The following THSD1 variants were observed in gnomAD, a reference collection of about 807,000 sequenced individuals.
The protein encoded by THSD1 is thrombospondin type 1 domain containing 1, also known as thrombospondin type-1 domain-containing protein 1.
THSD1 carries 34 observed loss-of-function variants against 46.3 expected under a neutral mutation model. The observed-to-expected ratio is 0.74, with a 90% confidence interval of 0.56 to 0.98. THSD1 has a LOEUF of 0.98. Ranked by LOEUF, THSD1 falls within the 50% of genes least tolerant of loss-of-function variation. The pLI is 0.00. For missense variants in THSD1, 1,023 were observed against 1,058.3 expected (o/e 0.97, Z 0.46); for synonymous variants, 407 against 416.5 (o/e 0.98, Z 0.28).
At chr13:52,394,669 T>C (rs1957799293) in intron 3 of THSD1, among the ~76,000 whole-genome samples, 1 of 152,146 alleles carries the variant, frequency 6.6e-6, no homozygotes, top group Non-Finnish European at 1.5e-5. Flanking sequence ...CCTAATTGTT[T>C]TTCTCCTAAT....
chr13:52,386,231 A>G, intron 3 of THSD1, 45 bp from the exon 4 acceptor site: 1 of 1,594,538 alleles, frequency 6.3e-7, no homozygotes. Flanking sequence ...TCATTTGAGA[A>G]TCAGTATTTA....
Position 52,394,281 on chromosome 13 carries a change from G to C in THSD1, c.1021+2951C>G, listed in dbSNP as rs192503527. On this transcript the variant is annotated intron_variant, in intron 3 of 4. Transcript: ENST00000258613. ...CTTTGATTCATTTTTGCTAAGTTCA[G>C]TCAGTTTTTTTTCCCCATGAATATT... Among the ~76,000 whole-genome samples, 17 of 152,294 alleles carry C rather than the reference G, an allele frequency of 1.1e-4. No homozygotes were observed. In the East Asian group the frequency reaches 3.3e-3, roughly 29 times the overall value.
Position 52,381,637 on chromosome 13 carries a change from A to T in THSD1, c.1181-2848T>A, listed in dbSNP as rs9563101. Among the ~76,000 whole-genome samples the T allele has an allele frequency of 4.0e-3, 614 of 152,270 alleles. 16 individuals are homozygous for T. The highest frequency in any genetic ancestry group is 0.037 in the East Asian group (190 of 5,170). Reference sequence around the variant, plus strand: ...TAATCAGTGGGAGAACTGTCCTCCTATAAAAGGTGAGGCCACAAGCAAATG... The same window carrying T: ...TAATCAGTGGGAGAACTGTCCTCCTTTAAAAGGTGAGGCCACAAGCAAATG... On this transcript the variant is annotated intron_variant, in intron 4 of 4. Coordinates refer to ENST00000258613, the MANE Select transcript of THSD1 (RefSeq NM_018676.4).
chr13:52,390,987 T>C (rs1467099869), intron 3 of THSD1, among the ~76,000 whole-genome samples: 1 of 152,192 alleles, frequency 6.6e-6, no homozygotes, highest in African/African-American at 2.4e-5. Flanking sequence ...GGAACTCATA[T>C]TCCATTACTC....
At chr13:52,401,363 G>A (rs1957859179) in intron 2 of THSD1, among the ~76,000 whole-genome samples, 1 of 151,598 alleles carries the variant, frequency 6.6e-6, no homozygotes, top group Non-Finnish European at 1.5e-5. Context: ...GCAGTGGTGC[G>A]ATCTCGGCTC....
intron 4 of THSD1, chr13:52,384,184 CAAAAAA>C: frequency 5.0e-4 from 78 of 155,652 alleles, no homozygotes; most frequent in South Asian, 7.7e-4. Context: ...AACTCCGTCT[CAAAAAA>C]AAAAAAAAAA....
At chr13:52,383,262 T>C (rs1284794159) in intron 4 of THSD1, among the ~76,000 whole-genome samples, 3 of 152,214 alleles carry the variant, frequency 2.0e-5, no homozygotes, top group African/African-American at 4.8e-5. Flanking sequence ...GATTGATTCA[T>C]TCCTTCATTA....
intron 3 of THSD1, among the ~76,000 whole-genome samples, chr13:52,395,371 G>A (rs1049049541): frequency 6.6e-6 from 1 of 152,130 alleles, no homozygotes; most frequent in Non-Finnish European, 1.5e-5. Context: ...TTTATAGGAG[G>A]TAAAGAAGAG....
At position 52,377,372 on chromosome 13, in the gene THSD1, G is replaced by A. The variant is rs1303866123; in HGVS notation, c.*39C>T. On this transcript the variant is annotated 3_prime_UTR_variant, in exon 5 of 5. Transcript: ENST00000258613. Reference sequence around the variant, plus strand: ...CACAAAAGTCTACAAAACGCGAGTAGCAGACCCCAGCTGTGTAAAGCTCAG... The same window carrying A: ...CACAAAAGTCTACAAAACGCGAGTAACAGACCCCAGCTGTGTAAAGCTCAG... 1 of 1,501,940 alleles carries A rather than the reference G, an allele frequency of 6.7e-7. No homozygotes were observed. The highest frequency in any genetic ancestry group is 8.9e-7 in the Non-Finnish European group (1 of 1,121,968). The allele number at this position is 1,501,940 out of a possible 1,614,324, so 93.0% of individuals were successfully genotyped here.
chr13:52,401,551 G>A (rs932694370), intron 2 of THSD1, among the ~76,000 whole-genome samples: 3 of 151,974 alleles, frequency 2.0e-5, no homozygotes, highest in South Asian at 2.1e-4. Context: ...CGCCCACCCC[G>A]GCCTCCCAAA....
chr13:52,398,190 A>G lies in THSD1; in HGVS notation c.63T>C (p.Leu21=). 16 of 1,611,108 alleles carry G rather than the reference A, an allele frequency of 9.9e-6. No homozygotes were observed. The highest frequency in any genetic ancestry group is 1.4e-5 in the Non-Finnish European group (16 of 1,177,920). ...LLLVVLCDYV[L]GEAEYLLLRE... Reference sequence around the variant, plus strand: ...TCAAGAGAAGATATTCAGCTTCTCCAAGAACTGAAATGAAGTGGTCAGAAT... The same window carrying G: ...TCAAGAGAAGATATTCAGCTTCTCCGAGAACTGAAATGAAGTGGTCAGAAT... The change falls in exon 3 of 5, where the codon CTT becomes CTC. Residue 21 remains leucine, a synonymous_variant. Coordinates refer to ENST00000258613, the MANE Select transcript of THSD1 (RefSeq NM_018676.4).
rs775192448 is a variant in THSD1 at position 52,377,366 on chromosome 13, C to T, written c.*45G>A. 5 of 1,488,596 alleles carry T rather than the reference C, an allele frequency of 3.4e-6. No individual in the cohort carries two copies. The highest frequency in any genetic ancestry group is 1.4e-5 in the African/African-American group (1 of 71,460). The allele number at this position is 1,488,596 out of a possible 1,614,324, so 92.2% of individuals were successfully genotyped here. A position where few individuals can be genotyped will look rare whatever the true frequency, so the allele number is the denominator to read the frequency against. On this transcript the variant is annotated 3_prime_UTR_variant, in exon 5 of 5. Transcript: ENST00000258613. ...TAGTTACACAAAAGTCTACAAAACG[C>T]GAGTAGCAGACCCCAGCTGTGTAAA...
Position 52,377,811 on chromosome 13 carries a change from C to G in THSD1, c.2159G>C (p.Gly720Ala), listed in dbSNP as rs1351371468. The G allele has an allele frequency of 6.2e-7, 1 of 1,614,068 alleles. No homozygotes were observed. Residue 720 changes from glycine to alanine, a missense_variant, in exon 5 of 5, where the codon GGT becomes GCT. By Grantham distance (60) the Gly-to-Ala change is moderately conservative. Coordinates refer to ENST00000258613, the MANE Select transcript of THSD1 (RefSeq NM_018676.4). The part of the protein sequence containing the change: ...EHFQEASGTR[G>A]PLNPLPKSYT... Reference sequence around the variant, plus strand: ...GGATTTAGGGAGAGGGTTTAATGGACCACGGGTTCCACTTGCCTCTTGGAA... The same window carrying G: ...GGATTTAGGGAGAGGGTTTAATGGAGCACGGGTTCCACTTGCCTCTTGGAA...
intron 3 of THSD1, among the ~76,000 whole-genome samples, chr13:52,388,568 C>T (rs138383281): frequency 0.04 from 6,094 of 152,064 alleles, 145 homozygotes; most frequent in South Asian, 0.069. Context: ...AACCTCCACC[C>T]GCCTGGGTTC....
chr13:52,389,543 G>T (rs1957758045), intron 3 of THSD1, among the ~76,000 whole-genome samples: 1 of 151,370 alleles, frequency 6.6e-6, no homozygotes, highest in Non-Finnish European at 1.5e-5. Flanking sequence ...TATGTTAAAA[G>T]TAAAAAAACG....
chr13:52,382,725 G>C (rs1240231214), intron 4 of THSD1, among the ~76,000 whole-genome samples: 2 of 152,176 alleles, frequency 1.3e-5, no homozygotes, highest in Non-Finnish European at 2.9e-5. Context: ...CCTTGGCCGG[G>C]TGTGGTGGCT....
At chr13:52,387,625 G>C (rs990857123) in intron 3 of THSD1, among the ~76,000 whole-genome samples, 2 of 152,136 alleles carry the variant, frequency 1.3e-5, no homozygotes, top group Non-Finnish European at 2.9e-5. Flanking sequence ...TCATCAGACT[G>C]TTAGAAACTA....
In THSD1 at chr13:52,378,014, C is replaced by T; in HGVS notation, c.1956G>A (p.Arg652=). Residue 652 remains arginine, a synonymous_variant, in exon 5 of 5, where the codon AGG becomes AGA. Coordinates refer to ENST00000258613, the MANE Select transcript of THSD1 (RefSeq NM_018676.4). The part of the protein sequence containing the change: ...RSHARNAHFR[R]TASFHEARQA... ...GCCTGGCTTCATGGAAACTCGCTGT[C>T]CTCCTGAAATGGGCGTTCCTGGCAT... 6.2e-7 allele frequency: 1 copy of T among 1,614,190 alleles called. No individual in the cohort carries two copies. Among genetic ancestry groups the T allele is most frequent in the Non-Finnish European group, 8.5e-7 (1 of 1,180,052 alleles).
At chr13:52,392,403 G>A (rs981116256) in intron 3 of THSD1, among the ~76,000 whole-genome samples, 9 of 152,044 alleles carry the variant, frequency 5.9e-5, no homozygotes, top group African/African-American at 9.7e-5. Flanking sequence ...TGAGATCTCC[G>A]CTAATAACTC....
Sources: gnomAD v4.1 joint callset for allele counts (sites outside exome capture counted in the v4.1 genomes callset) on GRCh38, gnomAD v4.1.1 for gene constraint, MANE v1.5 for transcripts, NCBI Gene and HGNC (gene_info 2026-07-23, HGNC 2026-07-21) for gene names.